The following PRORP variants were observed in gnomAD, a reference collection of about 807,000 sequenced individuals.
PRORP encodes mitochondrial ribonuclease P catalytic subunit.
PRORP carries 51 observed loss-of-function variants against 59.4 expected under a neutral mutation model. The observed-to-expected ratio is 0.86, with a 90% CI of 0.69 to 1.08. The LOEUF (loss-of-function observed/expected upper bound fraction) is 1.08. Among genes scored for constraint, PRORP ranks in the 50% least tolerant of loss-of-function variants. The pLI is 0.00. For synonymous variants in PRORP, 231 were observed against 245.6 expected (o/e 0.94, Z 0.55); for missense variants, 646 against 690.3 (o/e 0.94, Z 0.72).
intron 5 of PRORP, among the ~76,000 whole-genome samples, chr14:35,239,900 C>T (rs950659134): frequency 6.6e-6 from 1 of 152,054 alleles, no homozygotes; most frequent in Non-Finnish European, 1.5e-5. Flanking sequence ...CATGGTGAAA[C>T]CTTGTCTCTA....
intron 2 of PRORP, among the ~76,000 whole-genome samples, chr14:35,125,709 A>G (rs1355209879): frequency 2.0e-5 from 3 of 152,110 alleles, no homozygotes; most frequent in East Asian, 1.9e-4. Context: ...AGGAGTTTGG[A>G]TTTTATTCTG....
At chr14:35,272,007 C>G (rs2051202918) in intron 7 of PRORP, among the ~76,000 whole-genome samples, 2 of 149,444 alleles carry the variant, frequency 1.3e-5, no homozygotes, top group South Asian at 4.2e-4. Flanking sequence ...GCCTGGGTGA[C>G]AGAGCGAGAC....
intron 5 of PRORP, among the ~76,000 whole-genome samples, chr14:35,199,100 G>A (rs540881567): frequency 2.6e-5 from 4 of 152,176 alleles, no homozygotes; most frequent in East Asian, 1.9e-4. Context: ...CCCGGGAGGC[G>A]GAGGCTGCAG....
Position 35,188,689 on chromosome 14 carries a change from G to A in PRORP, c.1275+7912G>A. On this transcript the variant is annotated intron_variant, in intron 5 of 7. Coordinates refer to ENST00000534898, the MANE Select transcript of PRORP (RefSeq NM_014672.4). ...TTGGTGTCTAATCTAAGAAATCATT[G>A]CCTAAGAGCCGGGCGCCGTGGCTCA... Among the ~76,000 whole-genome samples the A allele has an allele frequency of 1.3e-5, 2 of 151,396 alleles. 1 individual carries two copies. Among genetic ancestry groups the A allele is most frequent in the Non-Finnish European group, 2.9e-5 (2 of 67,888 alleles).
chr14:35,266,718 G>GT lies in PRORP; in HGVS notation c.1276-3dup, dbSNP rs1179735586. On this transcript the variant is annotated splice_polypyrimidine_tract_variant and intron_variant, in intron 5 of 7. Coordinates refer to ENST00000534898, the MANE Select transcript of PRORP (RefSeq NM_014672.4). The stretch of plus-strand genomic sequence containing the variant: ...TGAACTTTTGTGGTTCTGGCTTTGT[G>GT]TTTTTTAGCTCTTGAATGTCGTCTC... 3.1e-6 allele frequency: 5 copies of GT among 1,612,842 alleles called. No individual in the cohort carries two copies. Among genetic ancestry groups the GT allele is most frequent in the Non-Finnish European group, 4.2e-6 (5 of 1,179,618 alleles).
At chr14:35,204,329 A>G (rs573238173) in intron 5 of PRORP, among the ~76,000 whole-genome samples, 37 of 152,344 alleles carry the variant, frequency 2.4e-4, no homozygotes, top group African/African-American at 8.7e-4. Flanking sequence ...TTATGTGTCA[A>G]GACTCCTGCC....
chr14:35,138,439 A>G (rs2047418047), intron 4 of PRORP, among the ~76,000 whole-genome samples: 1 of 145,548 alleles, frequency 6.9e-6, no homozygotes, highest in Non-Finnish European at 1.5e-5. Flanking sequence ...AACATTAGAA[A>G]CATCTAGTTG....
At chr14:35,129,043 A>AG (rs544477401) in intron 4 of PRORP, among the ~76,000 whole-genome samples, 41 of 94,512 alleles carry the variant, frequency 4.3e-4, no homozygotes, top group African/African-American at 1.8e-3. Flanking sequence ...CTAAAAATAC[A>AG]AAAAAAAAAA....
intron 4 of PRORP, among the ~76,000 whole-genome samples, chr14:35,169,042 A>T (rs1485822684): frequency 6.9e-6 from 1 of 145,352 alleles, no homozygotes. Context: ...TTCTTTTTCT[A>T]CCTTTTTAAG....
At chr14:35,156,466 G>GTTTTT (rs1355833845) in intron 4 of PRORP, among the ~76,000 whole-genome samples, 2 of 134,548 alleles carry the variant, frequency 1.5e-5, no homozygotes, top group East Asian at 5.2e-4. Flanking sequence ...TTTTGTTTTT[G>GTTTTT]TAATGAGTTC....
At chr14:35,140,772 T>C (rs1278930682) in intron 4 of PRORP, among the ~76,000 whole-genome samples, 1 of 145,726 alleles carries the variant, frequency 6.9e-6, no homozygotes, top group Non-Finnish European at 1.5e-5. Flanking sequence ...ATGTGAGATT[T>C]TGAGGAAACT....
intron 5 of PRORP, among the ~76,000 whole-genome samples, chr14:35,223,882 A>G (rs921723351): frequency 8.5e-5 from 13 of 152,190 alleles, no homozygotes; most frequent in African/African-American, 3.1e-4. Flanking sequence ...CTCTACTACT[A>G]AATAATAATT....
rs10130047 is a variant in PRORP at position 35,164,374 on chromosome 14, C to T, written c.1168-16296C>T. 1.2e-4 allele frequency among the ~76,000 whole-genome samples: 19 copies of T among 152,080 alleles called. 1 individual carries two copies. Among genetic ancestry groups the T allele is most frequent in the Middle Eastern group, 3.4e-3 (1 of 292 alleles). On this transcript the variant is annotated intron_variant, in intron 4 of 7. Coordinates refer to ENST00000534898, the MANE Select transcript of PRORP (RefSeq NM_014672.4). ...GCTGCGCTACTCACAATAGCAAAGA[C>T]GTGGAATCAACCTAGTGCCAATCAG...
chr14:35,158,672 T>A (rs1045001059), intron 4 of PRORP: 5 of 403,390 alleles, frequency 1.2e-5, no homozygotes, highest in African/African-American at 8.4e-5. Flanking sequence ...GTCCACAGAT[T>A]TACTATCAAT....
At chr14:35,200,079 C>G (rs2049107927) in intron 5 of PRORP, among the ~76,000 whole-genome samples, 2 of 152,092 alleles carry the variant, frequency 1.3e-5, no homozygotes, top group Non-Finnish European at 2.9e-5. Context: ...GATAAAAATA[C>G]AGTATTTTAA....
rs377738287 is a variant in PRORP, at chr14:35,123,214, C to T, written c.-32C>T. 6.4e-7 allele frequency: 1 copy of T among 1,571,530 alleles called. No individual in the cohort carries two copies. On this transcript the variant is annotated 5_prime_UTR_variant, in exon 2 of 8. Transcript: ENST00000534898. The stretch of plus-strand genomic sequence containing the variant: ...TAGAAGAGGGGTTTTTTCAACATCT[C>T]TCTCACTATCTGGTGCTGATCTCAC...
intron 5 of PRORP, among the ~76,000 whole-genome samples, chr14:35,188,042 G>C (rs2048785151): frequency 6.6e-6 from 1 of 151,158 alleles, no homozygotes; most frequent in African/African-American, 2.4e-5. Context: ...TAGAGACAGG[G>C]TTTCACCATG....
chr14:35,237,337 C>A (rs1169182595), intron 5 of PRORP, among the ~76,000 whole-genome samples: 1 of 152,066 alleles, frequency 6.6e-6, no homozygotes. Context: ...AAGCGATCCT[C>A]CCACCTAGAC....
Position 35,275,973 on chromosome 14 carries a change from T to G in PRORP, c.*2407T>G, listed in dbSNP as rs1223080772. 1 of 152,102 alleles carries G rather than the reference T, an allele frequency of 6.6e-6. No homozygotes were observed. The highest frequency in any genetic ancestry group is 1.5e-5 in the Non-Finnish European group (1 of 68,088). The allele number at this position is 152,102 out of a possible 1,614,324, so 9.4% of individuals were successfully genotyped here. On this transcript the variant is annotated 3_prime_UTR_variant, in exon 8 of 8. Transcript: ENST00000534898. Reference sequence around the variant, plus strand: ...GCAGACATTTCAGCCATAACCCAGCTCTTCTAATTCCCAAATACTCTTTCT... The same window carrying G: ...GCAGACATTTCAGCCATAACCCAGCGCTTCTAATTCCCAAATACTCTTTCT...
Sources: allele counts gnomAD v4.1 joint callset (sites outside exome capture counted in the v4.1 genomes callset), GRCh38; gene constraint gnomAD v4.1.1; transcripts MANE v1.5; gene names NCBI Gene and HGNC (gene_info 2026-07-23, HGNC 2026-07-21).